The following BRD1 variants were observed in gnomAD, a reference collection of about 807,000 sequenced individuals.
BRD1 encodes the protein bromodomain-containing protein 1.
A neutral mutation model predicts 107.7 loss-of-function variants in BRD1; 24 were observed. That is an observed-to-expected ratio of 0.22 (90% CI 0.16 to 0.31). The LOEUF is 0.31. Among genes scored for constraint, BRD1 ranks in the 10% least tolerant of loss-of-function variants. The pLI is 1.00. For missense variants in BRD1, 1,279 were observed against 1,638.6 expected, an observed-to-expected ratio of 0.78 and a Z score of 3.79; for synonymous variants, 744 against 686.1, an observed-to-expected ratio of 1.08 and a Z score of -1.32.
Position 49,797,833 on chromosome 22 carries a change from T to C in BRD1, c.2070A>G (p.Ala690=). Residue 690 remains alanine (A), a synonymous_variant, in exon 6 of 13, where the codon GCA becomes GCG. Coordinates refer to ENST00000404760, the MANE Select transcript of BRD1 (RefSeq NM_001304808.3). ...CTTCCCAGGAGAAAGGCCGCCGCGG[T>C]GCCGCAGCAGGCCGCTCAGGCAGGT... ...GMHLPERPAA[A]PRRPFSWEDV... is the part of the protein sequence containing the mutation. 1.2e-6 allele frequency: 2 copies of C among 1,606,780 alleles called. No individual in the cohort carries two copies. Among genetic ancestry groups the C allele is most frequent in the African/African-American group, 1.3e-5 (1 of 74,962 alleles).
intron 2 of BRD1, among the ~76,000 whole-genome samples, chr22:49,822,164 G>A (rs1033470805): frequency 1.3e-5 from 2 of 152,318 alleles, no homozygotes; most frequent in African/African-American, 4.8e-5. Context: ...GGTGGCTCAC[G>A]CCTATAGTCC....
rs1331852510 is a variant in BRD1, at chr22:49,775,611, A to C, written c.3366T>G (p.Phe1122Leu). 6.2e-7 allele frequency: 1 copy of C among 1,610,270 alleles called. No individual in the cohort carries two copies. ...CTCACCAACTTCTCTTATTATCAAA[A>C]AAGAGAACGAGGAACAGCTTCTCAT... ...KSDEKLFLVL[F>L]FDNKRSWQWL... The change falls in exon 12 of 13, where the codon TTT becomes TTG. Residue 1122 changes from phenylalanine (F) to leucine (L), a missense_variant. Around this residue, in one of 7 missense-constraint regions of BRD1, gnomAD observed 136 missense variants for 196.8 expected, o/e 0.69. Coordinates refer to ENST00000404760, the MANE Select transcript of BRD1 (RefSeq NM_001304808.3).
rs746152927 is a variant in BRD1, at chr22:49,824,384, G to C, written c.-14-53C>G. 1.1e-5 allele frequency: 17 copies of C among 1,580,586 alleles called. No individual in the cohort carries two copies. Among genetic ancestry groups the C allele is most frequent in the Non-Finnish European group, 1.3e-5 (15 of 1,165,010 alleles). On this transcript the variant is annotated intron_variant, in intron 1 of 12. Transcript: ENST00000404760. This position sits in a 1 kb window ranked among gnomAD's most constrained non-coding sequence, Gnocchi z 5.9. ...TTCTACGCAGGGTGACCAAAGACTCGAGAAAACCACAAAAGCATGCTTGGA... is the reference window on the plus strand; with the variant it reads ...TTCTACGCAGGGTGACCAAAGACTCCAGAAAACCACAAAAGCATGCTTGGA...
chr22:49,775,825 G>GC, intron 11 of BRD1, 80 bp from the exon 12 acceptor site: 1 of 937,092 alleles, frequency 1.1e-6, no homozygotes, highest in Admixed American at 4.3e-5. Context: ...ACCCCCCCCC[G>GC]CCTCCCCACC....
intron 7 of BRD1, among the ~76,000 whole-genome samples, chr22:49,789,778 C>G (rs73439754): frequency 3.3e-5 from 5 of 152,356 alleles, no homozygotes; most frequent in African/African-American, 9.6e-5. Flanking sequence ...CCACTCCTGT[C>G]TGGCAGGAGC....
Position 49,787,554 on chromosome 22 carries a change from T to C in BRD1, c.2693A>G (p.Lys898Arg), listed in dbSNP as rs1372511118. The C allele has an allele frequency of 1.9e-6, 3 of 1,593,874 alleles. No individual in the cohort carries two copies. Among genetic ancestry groups the C allele is most frequent in the South Asian group, 2.3e-5 (2 of 88,686 alleles). The change falls in exon 8 of 13, where the codon AAG becomes AGG. Residue 898 changes from lysine to arginine, a missense_variant. By Grantham distance (26) the Lys-to-Arg change is conservative. Coordinates refer to ENST00000404760, the MANE Select transcript of BRD1 (RefSeq NM_001304808.3). ...AGAAGTTGGCTGGGTTTCAGTGTTC[T>C]TGGCAGACTTTGGGGGGCTTACACT... ...SKSVSPPKSA[K>R]NTETQPTSPQ...
At chr22:49,814,342 G>A (rs541513302) in intron 2 of BRD1, among the ~76,000 whole-genome samples, 3 of 152,216 alleles carry the variant, frequency 2.0e-5, no homozygotes, top group East Asian at 3.9e-4. Flanking sequence ...CAGGTGGTGC[G>A]AGGTGGAGGA....
intron 2 of BRD1, among the ~76,000 whole-genome samples, chr22:49,815,098 C>T (rs189251727): frequency 6.6e-6 from 1 of 152,336 alleles, no homozygotes; most frequent in East Asian, 1.9e-4. Flanking sequence ...CTGCGAAATG[C>T]TACCTTTAGT....
chr22:49,784,660 G>C (rs2059287650), intron 8 of BRD1, among the ~76,000 whole-genome samples: 1 of 152,240 alleles, frequency 6.6e-6, no homozygotes, highest in Non-Finnish European at 1.5e-5. Flanking sequence ...ATGCATGTAT[G>C]GAAAACATCA....
chr22:49,827,604 AG>A lies in BRD1; in HGVS notation c.-123del, dbSNP rs2147463692. ...GCGGCTCCTCCGCCAACGGCCGCGC[AG>A]GCCGGGCCCCGCCGCCGCTCCTGGG... On this transcript the variant is annotated 5_prime_UTR_variant, in exon 1 of 13. Transcript: ENST00000404760. The A allele has an allele frequency of 6.9e-6, 1 of 143,980 alleles. No individual in the cohort carries two copies. The highest frequency in any genetic ancestry group is 2.1e-4 in the East Asian group (1 of 4,814). The allele number at this position is 143,980 out of a possible 1,614,324, so 8.9% of individuals were successfully genotyped here.
At chr22:49,795,171 T>C (rs761907144) in intron 6 of BRD1, among the ~76,000 whole-genome samples, 9 of 152,208 alleles carry the variant, frequency 5.9e-5, no homozygotes, top group Non-Finnish European at 1.2e-4. Flanking sequence ...ACAAATGTCA[T>C]AGATAATACT....
chr22:49,775,562 T>G (rs1030762245), intron 12 of BRD1, 29 bp downstream of exon 12: 2 of 1,452,144 alleles, frequency 1.4e-6, no homozygotes, highest in African/African-American at 1.4e-5. Flanking sequence ...CCCCAGCCGG[T>G]CCCCGGAGTC....
chr22:49,802,812 A>T (rs970211087), intron 3 of BRD1, among the ~76,000 whole-genome samples: 3 of 152,256 alleles, frequency 2.0e-5, no homozygotes, highest in African/African-American at 4.8e-5. Context: ...CCTGGAGGCT[A>T]CGAGGTGAGG....
chr22:49,814,923 C>G (rs1239366927), intron 2 of BRD1, among the ~76,000 whole-genome samples: 1 of 152,218 alleles, frequency 6.6e-6, no homozygotes, highest in Non-Finnish European at 1.5e-5. Flanking sequence ...CTGAGAACAT[C>G]TTCTACATGC....
chr22:49,804,630 C>T (rs1375783721), intron 2 of BRD1, among the ~76,000 whole-genome samples: 1 of 152,164 alleles, frequency 6.6e-6, no homozygotes, highest in Non-Finnish European at 1.5e-5. Context: ...GGGGGGATCC[C>T]TTGAGGCCAG....
chr22:49,787,553 C>A lies in BRD1; in HGVS notation c.2694G>T (p.Lys898Asn). ...SKSVSPPKSAKNTETQPTSPQ... is the reference protein window; with the variant it reads ...SKSVSPPKSANNTETQPTSPQ... ...GAGAAGTTGGCTGGGTTTCAGTGTT[C>A]TTGGCAGACTTTGGGGGGCTTACAC... Residue 898 changes from lysine (K) to asparagine (N), a missense_variant, in exon 8 of 13, where the codon AAG becomes AAT. By Grantham distance (94) the Lys-to-Asn change is moderately conservative (BLOSUM62 0). Coordinates refer to ENST00000404760, the MANE Select transcript of BRD1 (RefSeq NM_001304808.3). 6 of 1,597,458 alleles carry A rather than the reference C, an allele frequency of 3.8e-6. No homozygotes were observed. The highest frequency in any genetic ancestry group is 5.1e-6 in the Non-Finnish European group (6 of 1,171,418).
chr22:49,804,752 G>A (rs6009323), intron 2 of BRD1, among the ~76,000 whole-genome samples: 8,819 of 152,162 alleles, frequency 0.058, 771 homozygotes, highest in African/African-American at 0.19. Context: ...TTGGGAGGCT[G>A]AGGCAGGAGA....
chr22:49,813,846 T>C (rs1601719470), intron 2 of BRD1, among the ~76,000 whole-genome samples: 1 of 151,074 alleles, frequency 6.6e-6, no homozygotes, highest in African/African-American at 2.4e-5. Context: ...AAAAAAAATT[T>C]GTAAAGACTC....
At chr22:49,802,128 C>T (rs969770469) in intron 3 of BRD1, among the ~76,000 whole-genome samples, 3 of 151,926 alleles carry the variant, frequency 2.0e-5, no homozygotes, top group African/African-American at 4.8e-5. Flanking sequence ...TCCCCAACAT[C>T]GCAGGGGCGG....
Sources: allele counts gnomAD v4.1 joint callset (sites outside exome capture counted in the v4.1 genomes callset), GRCh38; gene constraint gnomAD v4.1.1; regional missense constraint gnomAD v4.1.1; non-coding constraint Gnocchi (gnomAD v3.1); transcripts MANE v1.5; gene names NCBI Gene and HGNC (gene_info 2026-07-23, HGNC 2026-07-21).